The following MORC1 variants were observed in gnomAD, a reference collection of about 807,000 sequenced individuals.
MORC1 encodes the protein MORC family CW-type zinc finger protein 1.
A neutral mutation model predicts 134.9 loss-of-function variants in MORC1; 59 were observed. The ratio of observed to expected loss-of-function variants is 0.44; its 90% CI spans 0.35 to 0.54. MORC1 has a LOEUF of 0.54. Ranked by LOEUF, MORC1 falls within the 20% of genes least tolerant of loss-of-function variation. MORC1 has a pLI of 0.00. For synonymous variants in MORC1, 395 were observed against 391.7 expected (o/e 1.01, Z -0.10); for missense variants, 947 against 1,134.5 (o/e 0.83, Z 2.37).
chr3:109,036,055 T>C (rs1949371961), intron 14 of MORC1, among the ~76,000 whole-genome samples: 1 of 146,116 alleles, frequency 6.8e-6, no homozygotes, highest in Non-Finnish European at 1.5e-5. Context: ...GATCCAGCAA[T>C]TATACTGTTA....
intron 8 of MORC1, among the ~76,000 whole-genome samples, chr3:109,084,133 C>A (rs1950573084): frequency 6.6e-6 from 1 of 152,126 alleles, no homozygotes; most frequent in Non-Finnish European, 1.5e-5. Flanking sequence ...CACTTTTATT[C>A]ATAATACTGA....
intron 23 of MORC1, among the ~76,000 whole-genome samples, chr3:108,982,588 G>GGC (rs1553743081): frequency 6.6e-6 from 1 of 151,608 alleles, no homozygotes; most frequent in South Asian, 2.1e-4. Flanking sequence ...TGGGATGGGG[G>GGC]GGGCAGGGGG....
chr3:109,031,546 T>C (rs1258517699), intron 16 of MORC1, among the ~76,000 whole-genome samples: 3 of 152,170 alleles, frequency 2.0e-5, no homozygotes, highest in African/African-American at 4.8e-5. Flanking sequence ...TGTTCCTATT[T>C]GGGAGATATT....
At chr3:109,088,816 A>T (rs1471070436) in intron 8 of MORC1, among the ~76,000 whole-genome samples, 5 of 152,158 alleles carry the variant, frequency 3.3e-5, no homozygotes, top group Non-Finnish European at 5.9e-5. Flanking sequence ...TATGGAACCT[A>T]AATGTCCATA....
At chr3:109,080,261 C>T (rs776315778) in intron 8 of MORC1, among the ~76,000 whole-genome samples, 2 of 152,100 alleles carry the variant, frequency 1.3e-5, no homozygotes, top group South Asian at 2.1e-4. Flanking sequence ...GAGCAAGTCA[C>T]GTCTTACATG....
At chr3:108,993,124 G>T (rs1948112435) in intron 21 of MORC1, among the ~76,000 whole-genome samples, 1 of 152,156 alleles carries the variant, frequency 6.6e-6, no homozygotes, top group Non-Finnish European at 1.5e-5. Context: ...AGAGTGTACA[G>T]CCTGTATCCT....
intron 9 of MORC1, among the ~76,000 whole-genome samples, chr3:109,065,318 C>A (rs1950172882): frequency 2.6e-5 from 4 of 152,186 alleles, no homozygotes; most frequent in Admixed American, 2.6e-4. Flanking sequence ...CTACTTCGAT[C>A]TGTTTTCTGT....
At chr3:109,108,901 CAAAA>C (rs11329896) in intron 3 of MORC1, among the ~76,000 whole-genome samples, 13 of 131,294 alleles carry the variant, frequency 9.9e-5, no homozygotes, top group Non-Finnish European at 1.3e-4. Flanking sequence ...CTCCGTCTCA[CAAAA>C]AAAAAAAAAA....
intron 14 of MORC1, among the ~76,000 whole-genome samples, chr3:109,045,537 T>C (rs953548311): frequency 6.6e-6 from 1 of 152,190 alleles, no homozygotes; most frequent in African/African-American, 2.4e-5. Flanking sequence ...TCAGGAAGAA[T>C]TGCCATGATG....
chr3:109,091,383 G>A (rs1198159565), intron 8 of MORC1, among the ~76,000 whole-genome samples: 1 of 151,980 alleles, frequency 6.6e-6, no homozygotes, highest in Admixed American at 6.6e-5. Flanking sequence ...GGCAGAGGTT[G>A]CAGTGAGCCA....
intron 15 of MORC1, among the ~76,000 whole-genome samples, chr3:109,033,914 C>T (rs1197468871): frequency 6.6e-6 from 1 of 152,038 alleles, no homozygotes; most frequent in East Asian, 1.9e-4. Flanking sequence ...AAACAATTTG[C>T]CCAATTTTGT....
chr3:109,092,983 T>C (rs1950760132), intron 8 of MORC1, among the ~76,000 whole-genome samples: 1 of 152,180 alleles, frequency 6.6e-6, no homozygotes, highest in East Asian at 1.9e-4. Flanking sequence ...CCTTTTTGCT[T>C]CACACTATCC....
At chr3:109,087,737 T>C (rs1288321605) in intron 8 of MORC1, among the ~76,000 whole-genome samples, 1 of 151,956 alleles carries the variant, frequency 6.6e-6, no homozygotes, top group Non-Finnish European at 1.5e-5. Flanking sequence ...TTAAAATTCA[T>C]ACAGAACCAA....
chr3:108,996,267 C>T (rs575504985), intron 21 of MORC1, among the ~76,000 whole-genome samples: 15 of 126,674 alleles, frequency 1.2e-4, no homozygotes, highest in African/African-American at 1.7e-4. Flanking sequence ...TGCACATGTG[C>T]GCGTGCGTGC....
At chr3:108,985,180 A>G (rs1947863599) in intron 22 of MORC1, among the ~76,000 whole-genome samples, 1 of 152,178 alleles carries the variant, frequency 6.6e-6, no homozygotes, top group Admixed American at 6.5e-5. Context: ...ACAGATCCCG[A>G]TGAAAAATGT....
chr3:108,965,361 G>C (rs1388451173), intron 26 of MORC1, among the ~76,000 whole-genome samples: 3 of 152,050 alleles, frequency 2.0e-5, no homozygotes, highest in Non-Finnish European at 4.4e-5. Context: ...CACTTAAATG[G>C]ACCCGAAGTG....
At chr3:108,965,373 C>T (rs1051409836) in intron 26 of MORC1, among the ~76,000 whole-genome samples, 8 of 152,098 alleles carry the variant, frequency 5.3e-5, no homozygotes, top group Admixed American at 2.0e-4. Flanking sequence ...CCCGAAGTGA[C>T]GCTGAATAAA....
In MORC1 at chr3:109,069,196, T is replaced by TA. The variant is rs1422165388; in HGVS notation, c.815+435dup. On this transcript the variant is annotated intron_variant, in intron 9 of 27. Coordinates refer to ENST00000232603, the MANE Select transcript of MORC1 (RefSeq NM_014429.4). ...AACCTTGAAAACATTTATGTTAAAG[T>TA]AAAAAAACACACAAAATATAAATCA... Among the ~76,000 whole-genome samples, 5 of 151,904 alleles carry TA rather than the reference T, an allele frequency of 3.3e-5. No individual in the cohort carries two copies. The South Asian group carries it at 6.2e-4, about 19-fold the overall frequency.
At chr3:109,001,703 T>G (rs900235718) in intron 20 of MORC1, among the ~76,000 whole-genome samples, 2 of 152,316 alleles carry the variant, frequency 1.3e-5, no homozygotes, top group East Asian at 3.9e-4. Flanking sequence ...AATGCTAAAA[T>G]TCCTCAAGCT....
Sources: gnomAD v4.1 joint callset for allele counts (sites outside exome capture counted in the v4.1 genomes callset) on GRCh38, gnomAD v4.1.1 for gene constraint, MANE v1.5 for transcripts, NCBI Gene and HGNC (gene_info 2026-07-23, HGNC 2026-07-21) for gene names.